The following MACROD2 variants were observed in gnomAD, a reference collection of about 807,000 sequenced individuals.
MACROD2 encodes ADP-ribose glycohydrolase MACROD2.
MACROD2 carries 36 observed loss-of-function variants against 70.4 expected under a neutral mutation model. The observed-to-expected ratio is 0.51, with a 90% CI of 0.39 to 0.68. MACROD2 has a LOEUF of 0.68. MACROD2 is among the 30% of genes least tolerant of loss of function. MACROD2 has a pLI of 0.00. For missense variants in MACROD2, 496 were observed against 538.4 expected (o/e 0.92, Z 0.78); for synonymous variants, 172 against 178.8 (o/e 0.96, Z 0.30).
intron 8 of MACROD2, among the ~76,000 whole-genome samples, chr20:15,855,048 A>G (rs886336242): frequency 6.6e-6 from 1 of 152,170 alleles, no homozygotes; most frequent in African/African-American, 2.4e-5. Flanking sequence ...TTAAAGCAGC[A>G]TTTGCATCAC....
At chr20:15,540,171 T>A (rs1313520013) in intron 8 of MACROD2, among the ~76,000 whole-genome samples, 1 of 152,178 alleles carries the variant, frequency 6.6e-6, no homozygotes, top group Non-Finnish European at 1.5e-5. Context: ...CATGGCTGGG[T>A]GCATGAACTA....
At chr20:14,481,354 G>A (rs2084661287) in intron 3 of MACROD2, among the ~76,000 whole-genome samples, 1 of 152,010 alleles carries the variant, frequency 6.6e-6, no homozygotes, top group Admixed American at 6.6e-5. Context: ...ATTTGGCTAA[G>A]GTTATCAGGA....
intron 5 of MACROD2, among the ~76,000 whole-genome samples, chr20:14,991,466 T>G (rs1276931050): frequency 1.3e-5 from 2 of 152,156 alleles, no homozygotes; most frequent in South Asian, 4.1e-4. Flanking sequence ...TCAGATTTTC[T>G]TGAATCACAG....
intron 12 of MACROD2, among the ~76,000 whole-genome samples, chr20:15,951,116 T>G (rs181286712): frequency 0.014 from 2,078 of 152,250 alleles, 44 homozygotes; most frequent in African/African-American, 0.047. Context: ...AAATGGAGTC[T>G]GGCCTTCTTG....
At chr20:15,418,330 T>C (rs73269095) in intron 6 of MACROD2, among the ~76,000 whole-genome samples, 44 of 152,270 alleles carry the variant, frequency 2.9e-4, no homozygotes, top group African/African-American at 1.0e-3. Context: ...TATTGTTGAA[T>C]GTGTATTCTC....
intron 3 of MACROD2, among the ~76,000 whole-genome samples, chr20:14,368,031 T>C (rs1477368943): frequency 6.6e-6 from 1 of 152,188 alleles, no homozygotes; most frequent in African/African-American, 2.4e-5. Flanking sequence ...AGAATATCTG[T>C]TTAGTTCATT....
chr20:14,289,995 C>G (rs2082372953), intron 3 of MACROD2, among the ~76,000 whole-genome samples: 1 of 77,736 alleles, frequency 1.3e-5, no homozygotes, highest in African/African-American at 4.1e-5. Flanking sequence ...CCAGTAGGAA[C>G]TTAACAGTTA....
At chr20:15,757,927 C>A (rs2051372389) in intron 8 of MACROD2, among the ~76,000 whole-genome samples, 1 of 152,190 alleles carries the variant, frequency 6.6e-6, no homozygotes. Flanking sequence ...TTTGGGAGGA[C>A]ACAATCATTT....
chr20:14,197,478 A>C (rs1223544000), intron 3 of MACROD2, among the ~76,000 whole-genome samples: 1 of 152,238 alleles, frequency 6.6e-6, no homozygotes, highest in Non-Finnish European at 1.5e-5. Flanking sequence ...CAGACATTAA[A>C]GTAAAAGAAA....
intron 5 of MACROD2, among the ~76,000 whole-genome samples, chr20:15,194,270 AG>A (rs1213575306): frequency 2.0e-5 from 3 of 149,820 alleles, no homozygotes; most frequent in African/African-American, 7.4e-5. Context: ...AAAAAAAAAA[AG>A]CTTCTTCCAG....
intron 3 of MACROD2, chr20:14,127,898 C>T: frequency 1.2e-5 from 6 of 499,606 alleles, no homozygotes; most frequent in South Asian, 9.5e-5. Context: ...GAATTGGTTG[C>T]ATCATAAATG....
At chr20:14,275,983 G>A (rs2082251050) in intron 3 of MACROD2, among the ~76,000 whole-genome samples, 1 of 152,140 alleles carries the variant, frequency 6.6e-6, no homozygotes, top group Non-Finnish European at 1.5e-5. Context: ...AACAACAGGT[G>A]CTGGAGAGGA....
intron 4 of MACROD2, among the ~76,000 whole-genome samples, chr20:14,501,807 T>G (rs777616234): frequency 6.6e-6 from 1 of 152,170 alleles, no homozygotes; most frequent in East Asian, 1.9e-4. Context: ...TAGGCTCTTA[T>G]AAGTTCTCTC....
At chr20:15,253,720 C>T (rs1255096811) in intron 6 of MACROD2, among the ~76,000 whole-genome samples, 2 of 152,120 alleles carry the variant, frequency 1.3e-5, no homozygotes, top group Non-Finnish European at 2.9e-5. Flanking sequence ...TCTACACTTC[C>T]TTTATATGCT....
chr20:14,356,629 C>CA (rs2083175538), intron 3 of MACROD2, among the ~76,000 whole-genome samples: 2 of 151,596 alleles, frequency 1.3e-5, no homozygotes, highest in Admixed American at 1.3e-4. Context: ...CTCAACCTCC[C>CA]AAGTAGCTGG....
chr20:15,665,571 T>C (rs1254030245), intron 8 of MACROD2, among the ~76,000 whole-genome samples: 1 of 152,120 alleles, frequency 6.6e-6, no homozygotes, highest in African/African-American at 2.4e-5. Context: ...TGAGTTTCAC[T>C]CCATCTGCAG....
chr20:14,615,492 A>G (rs1249917542), intron 4 of MACROD2, among the ~76,000 whole-genome samples: 2 of 152,134 alleles, frequency 1.3e-5, no homozygotes, highest in African/African-American at 4.8e-5. Flanking sequence ...GGATGCCATT[A>G]CAATTTGATA....
At chr20:15,029,662 AG>A (rs1427739727) in intron 5 of MACROD2, among the ~76,000 whole-genome samples, 1 of 152,204 alleles carries the variant, frequency 6.6e-6, no homozygotes, top group African/African-American at 2.4e-5. Context: ...ATTATAATGA[AG>A]ACCACTTCAT....
At chr20:15,071,566 C>T (rs1253613833) in intron 5 of MACROD2, among the ~76,000 whole-genome samples, 1 of 152,138 alleles carries the variant, frequency 6.6e-6, no homozygotes, top group Non-Finnish European at 1.5e-5. Flanking sequence ...GTACTTTTTA[C>T]TTTTTGCCTA....
Sources: allele counts gnomAD v4.1 joint callset (sites outside exome capture counted in the v4.1 genomes callset), GRCh38; gene constraint gnomAD v4.1.1; transcripts MANE v1.5; gene names NCBI Gene and HGNC (gene_info 2026-07-23, HGNC 2026-07-21).